PLCZ1: variants seen among roughly 807,000 people sequenced by gnomAD.
The protein encoded by PLCZ1 is phospholipase C zeta 1.
A neutral mutation model predicts 76.8 loss-of-function variants in PLCZ1; 64 were observed. The observed-to-expected ratio is 0.83, with a 90% CI of 0.68 to 1.03. PLCZ1 has a LOEUF of 1.03. Among genes scored for constraint, PLCZ1 ranks in the 50% least tolerant of loss-of-function variants. The probability of loss-of-function intolerance (pLI) is 0.00; values close to 1 mark genes in which losing one functional copy is unlikely to be tolerated. For synonymous variants in PLCZ1, 248 were observed against 230.8 expected (o/e 1.07, Z -0.68); for missense variants, 751 against 713.7 (o/e 1.05, Z -0.60).
intron 6 of PLCZ1, 127 bp downstream of exon 6, chr12:18,712,715 T>A (rs1226723578): frequency 1.2e-5 from 14 of 1,168,516 alleles, no homozygotes; most frequent in Non-Finnish European, 6.2e-6. Context: ...CACTGCCTAC[T>A]AATGGATCAT....
chr12:18,719,858 T>A (rs1325627790), intron 4 of PLCZ1, among the ~76,000 whole-genome samples: 3 of 152,100 alleles, frequency 2.0e-5, no homozygotes, highest in Non-Finnish European at 4.4e-5. Context: ...TATTTAATTA[T>A]CTCTTTTTTT....
the PLCZ1 span, among the ~76,000 whole-genome samples, chr12:18,673,781 G>C: frequency 6.6e-6 from 1 of 152,140 alleles, no homozygotes; most frequent in Non-Finnish European, 1.5e-5. Flanking sequence ...AGTAGCTGTT[G>C]GAAGCATTCA....
intron 3 of PLCZ1, among the ~76,000 whole-genome samples, chr12:18,728,671 C>A (rs1331909875): frequency 6.6e-6 from 1 of 152,000 alleles, no homozygotes; most frequent in African/African-American, 2.4e-5. Flanking sequence ...GTGAAATGCA[C>A]AGAGAGGCTA....
At position 18,692,918 on chromosome 12, in the gene PLCZ1, C is replaced by A. The variant is rs529806925; in HGVS notation, c.1461+1992G>T. On this transcript the variant is annotated intron_variant, in intron 12 of 14. Transcript: ENST00000266505. ...AAACAAAGGGACCAGATGCTGCCAGCAAACTGCCACTGGTGACACCTCACA... is the reference window on the plus strand; with the variant it reads ...AAACAAAGGGACCAGATGCTGCCAGAAAACTGCCACTGGTGACACCTCACA... 4.1e-5 allele frequency: 65 copies of A among 1,587,648 alleles called. No individual in the cohort carries two copies. The African/African-American group carries it at 7.1e-4, about 17-fold the overall frequency.
chr12:18,712,065 A>G (rs969522183), intron 6 of PLCZ1, among the ~76,000 whole-genome samples: 3 of 152,188 alleles, frequency 2.0e-5, no homozygotes, highest in Admixed American at 6.5e-5. Context: ...TTACATTTGT[A>G]AATTTAATGT....
Position 18,712,914 on chromosome 12 carries a change from AT to A in PLCZ1, c.641del (p.Tyr214PhefsTer25). The A allele has an allele frequency of 6.2e-7, 1 of 1,613,958 alleles. No individual in the cohort carries two copies. The highest frequency in any genetic ancestry group is 1.3e-5 in the African/African-American group (1 of 75,054). On this transcript the variant is annotated frameshift_variant, in exon 6 of 15. Coordinates refer to ENST00000266505, the MANE Select transcript of PLCZ1 (RefSeq NM_033123.4). LOFTEE classifies it high-confidence loss of function. ...WDGAQNEPVV[Y>X]HGYTLTSKLL... is the part of the protein sequence containing the mutation. ...GTTTGCTTGTGAGTGTGTAGCCATGATATACAACAGGTTCATTTTGTGCTCC... is the reference window on the plus strand; with the variant it reads ...GTTTGCTTGTGAGTGTGTAGCCATGAATACAACAGGTTCATTTTGTGCTCC...
intron 7 of PLCZ1, among the ~76,000 whole-genome samples, chr12:18,704,279 G>T (rs1196207377): frequency 6.6e-6 from 1 of 152,162 alleles, no homozygotes; most frequent in Non-Finnish European, 1.5e-5. Flanking sequence ...TGAACAGGTT[G>T]CAAGGAGACA....
At chr12:18,650,923 C>T in the PLCZ1 span, among the ~76,000 whole-genome samples, 1 of 151,538 alleles carries the variant, frequency 6.6e-6, no homozygotes, top group Non-Finnish European at 1.5e-5. Context: ...CAGTCTCCTC[C>T]TTTCTATGCT....
the PLCZ1 span, among the ~76,000 whole-genome samples, chr12:18,650,502 GA>G: frequency 2.3e-4 from 34 of 148,722 alleles, no homozygotes; most frequent in Admixed American, 8.7e-4. Context: ...TCCTGTGTAT[GA>G]AAAAAAATTA....
At chr12:18,680,983 G>T (rs1026158188), downstream of PLCZ1, among the ~76,000 whole-genome samples, 1 of 152,056 alleles carries the variant, frequency 6.6e-6, no homozygotes, top group Admixed American at 6.6e-5. Flanking sequence ...CAGGATAGGG[G>T]AGTGTGTAGC....
At chr12:18,683,944 C>T (rs1039604306) in intron 14 of PLCZ1, among the ~76,000 whole-genome samples, 186 bp downstream of exon 14, 5 of 152,050 alleles carry the variant, frequency 3.3e-5, no homozygotes, top group Admixed American at 1.3e-4. Context: ...GTCCCACACC[C>T]CCACCCCACC....
At chr12:18,728,234 G>A (rs1443049380) in intron 3 of PLCZ1, among the ~76,000 whole-genome samples, 2 of 152,098 alleles carry the variant, frequency 1.3e-5, no homozygotes, top group South Asian at 2.1e-4. Flanking sequence ...CCAGACATGA[G>A]TTTCTACTGT....
chr12:18,699,000 T>C (rs568393866), intron 10 of PLCZ1, among the ~76,000 whole-genome samples: 1 of 152,318 alleles, frequency 6.6e-6, no homozygotes, highest in South Asian at 2.1e-4. Context: ...TCATTCCCTT[T>C]TAAGTTTGGG....
intron 6 of PLCZ1, among the ~76,000 whole-genome samples, chr12:18,711,301 G>A (rs943300463): frequency 3.3e-4 from 47 of 142,724 alleles, no homozygotes; most frequent in Non-Finnish European, 5.3e-4. Context: ...ACCAAACACC[G>A]CATGTTCTCA....
the PLCZ1 span, among the ~76,000 whole-genome samples, chr12:18,669,179 A>C: frequency 1.3e-5 from 2 of 152,314 alleles, no homozygotes; most frequent in Admixed American, 1.3e-4. Flanking sequence ...TAAAGCACAC[A>C]CACAAAAGAA....
At chr12:18,693,266 G>A in intron 12 of PLCZ1, 1 of 1,524,442 alleles carries the variant, frequency 6.6e-7, no homozygotes, top group South Asian at 1.1e-5. Context: ...TAGGGGTGCT[G>A]ATGGATGACA....
chr12:18,664,553 T>A, the PLCZ1 span, among the ~76,000 whole-genome samples: 1 of 152,152 alleles, frequency 6.6e-6, no homozygotes, highest in Non-Finnish European at 1.5e-5. Flanking sequence ...TTATATGAGA[T>A]ACTTAAAGTG....
chr12:18,724,405 T>TA (rs1442810416), intron 3 of PLCZ1, among the ~76,000 whole-genome samples: 1 of 151,992 alleles, frequency 6.6e-6, no homozygotes, highest in Non-Finnish European at 1.5e-5. Flanking sequence ...CACTAACAAA[T>TA]AAAAAAACTG....
intron 3 of PLCZ1, among the ~76,000 whole-genome samples, chr12:18,729,504 C>T (rs1372678228): frequency 6.6e-6 from 1 of 151,972 alleles, no homozygotes; most frequent in African/African-American, 2.4e-5. Flanking sequence ...AGAGTGTCAC[C>T]ACATACTATA....
Sources: gnomAD v4.1 joint callset for allele counts (sites outside exome capture counted in the v4.1 genomes callset) on GRCh38, gnomAD v4.1.1 for gene constraint, MANE v1.5 for transcripts, NCBI Gene and HGNC (gene_info 2026-07-23, HGNC 2026-07-21) for gene names.